Variants in ATP6V1G2 observed in about 807,000 individuals in gnomAD.
ATP6V1G2 encodes V-type proton ATPase subunit G 2.
ATP6V1G2 carries 14 observed loss-of-function variants against 17.8 expected under a neutral mutation model. The observed-to-expected ratio is 0.79, with a 90% CI of 0.52 to 1.23. ATP6V1G2 has a LOEUF of 1.23. Ranked by LOEUF, ATP6V1G2 falls within the 50% of genes most tolerant of loss-of-function variation. The pLI is 0.00. For synonymous variants in ATP6V1G2, 57 were observed against 54.8 expected (o/e 1.04, Z -0.17); for missense variants, 112 against 152.2 (o/e 0.74, Z 1.39).
chr6:31,546,412 A>G lies in ATP6V1G2; in HGVS notation c.82+66T>C. The stretch of plus-strand genomic sequence containing the variant: ...TCCCGCCAGCCTTGGGTTTTCCCAA[A>G]ATGTTTGCTGTCCCCCACCCCCAAT... On this transcript the variant is annotated intron_variant, in intron 1 of 2. Transcript: ENST00000303892. This position sits in a 1 kb window ranked among gnomAD's most constrained non-coding sequence, Gnocchi z 4.1. 6.5e-7 allele frequency: 1 copy of G among 1,533,238 alleles called. No homozygotes were observed. Among genetic ancestry groups the G allele is most frequent in the Non-Finnish European group, 9.0e-7 (1 of 1,116,804 alleles). 95.0% of individuals were successfully genotyped at this position (1,533,238 alleles called of 1,614,324 possible).
chr6:31,544,631 AAAATCT>A lies in ATP6V1G2; in HGVS notation c.*771_*776del. On this transcript the variant is annotated 3_prime_UTR_variant, in exon 3 of 3. Coordinates refer to ENST00000303892, the MANE Select transcript of ATP6V1G2 (RefSeq NM_130463.4). ...GTCTTTGGGGAAATAGGAAAGGAGGAAAATCTAATAAAGACAAAGATCAGCAAAAGA... is the reference window on the plus strand; with the variant it reads ...GTCTTTGGGGAAATAGGAAAGGAGGAAATAAAGACAAAGATCAGCAAAAGA... 2.3e-6 allele frequency: 1 copy of A among 442,382 alleles called. No individual in the cohort carries two copies. The highest frequency in any genetic ancestry group is 1.6e-5 in the South Asian group (1 of 62,240). 27.4% of individuals were successfully genotyped at this position (442,382 alleles called of 1,614,324 possible). A position where few individuals can be genotyped will look rare whatever the true frequency, so the allele number is the denominator to read the frequency against.
In ATP6V1G2 at chr6:31,544,712, GA is replaced by G. The variant is rs1411468254; in HGVS notation, c.*695del. On this transcript the variant is annotated 3_prime_UTR_variant, in exon 3 of 3. Transcript: ENST00000303892. ...CAGTTATCTACCTGGAATTATAAGA[GA>G]GGGGCTAAATGTAGTCATCTCCTCT... 1 of 456,610 alleles carries G rather than the reference GA, an allele frequency of 2.2e-6. No individual in the cohort carries two copies. The highest frequency in any genetic ancestry group is 4.4e-6 in the Non-Finnish European group (1 of 226,976). 28.3% of individuals were successfully genotyped at this position (456,610 alleles called of 1,614,324 possible).
In ATP6V1G2 at chr6:31,546,594, G is replaced by T. The variant is rs557338912; in HGVS notation, c.-35C>A. 8.0e-5 allele frequency: 127 copies of T among 1,594,732 alleles called. No homozygotes were observed. In the South Asian group the frequency reaches 1.3e-3, roughly 16 times the overall value. On this transcript the variant is annotated 5_prime_UTR_variant, in exon 1 of 3. Coordinates refer to ENST00000303892, the MANE Select transcript of ATP6V1G2 (RefSeq NM_130463.4). This position sits in a 1 kb window ranked among gnomAD's most constrained non-coding sequence, Gnocchi z 4.1. ...TATGGCCGATGCTGTTTTGAATGCTGTCAAAGTACCAGATGGCTCCCACCC... is the reference window on the plus strand; with the variant it reads ...TATGGCCGATGCTGTTTTGAATGCTTTCAAAGTACCAGATGGCTCCCACCC...
chr6:31,546,016 A>C lies in ATP6V1G2; in HGVS notation c.183+93T>G. On this transcript the variant is annotated intron_variant, in intron 2 of 2. Coordinates refer to ENST00000303892, the MANE Select transcript of ATP6V1G2 (RefSeq NM_130463.4). The surrounding 1 kb of genome is among the most constrained non-coding windows in gnomAD (Gnocchi z 4.1). ...GTCCCCTCAGCCTCAGCCCTCTGCC[A>C]CCATATTTTCTTGTTGAGTCACCCT... The C allele has an allele frequency of 7.9e-7, 1 of 1,271,112 alleles. No homozygotes were observed. Among genetic ancestry groups the C allele is most frequent in the Non-Finnish European group, 1.2e-6 (1 of 869,226 alleles). 78.7% of individuals were successfully genotyped at this position (1,271,112 alleles called of 1,614,324 possible). A position where few individuals can be genotyped will look rare whatever the true frequency, so the allele number is the denominator to read the frequency against.
chr6:31,544,492 T>G lies in ATP6V1G2; in HGVS notation c.*916A>C, dbSNP rs187711419. On this transcript the variant is annotated 3_prime_UTR_variant, in exon 3 of 3. Transcript: ENST00000303892. ...TTGCCAATAATTATTTTATTGATAC[T>G]TTTTTTATTGTTACAATGGGAAAGT... 9 of 236,032 alleles carry G rather than the reference T, an allele frequency of 3.8e-5. No homozygotes were observed. The Admixed American group carries it at 3.9e-4, about 10-fold the overall frequency. The allele number at this position is 236,032 out of a possible 1,614,324, so 14.6% of individuals were successfully genotyped here.
In ATP6V1G2 at chr6:31,544,871, A is replaced by C. The variant is rs1768839536; in HGVS notation, c.*537T>G. 4.6e-6 allele frequency: 2 copies of C among 432,180 alleles called. No individual in the cohort carries two copies. The highest frequency in any genetic ancestry group is 7.0e-5 in the East Asian group (1 of 14,212). 26.8% of individuals were successfully genotyped at this position (432,180 alleles called of 1,614,324 possible). A position where few individuals can be genotyped will look rare whatever the true frequency, so the allele number is the denominator to read the frequency against. On this transcript the variant is annotated 3_prime_UTR_variant, in exon 3 of 3. Coordinates refer to ENST00000303892, the MANE Select transcript of ATP6V1G2 (RefSeq NM_130463.4). Reference sequence around the variant, plus strand: ...GGAAACAGCTGTGTAGGTTTTGACCAGTGAGCAGGTGGTGGTAATAGTATC... The same window carrying C: ...GGAAACAGCTGTGTAGGTTTTGACCCGTGAGCAGGTGGTGGTAATAGTATC...
rs1193992098 is a variant in ATP6V1G2 at position 31,545,227 on chromosome 6, C to T, written c.*181G>A. 5.3e-6 allele frequency: 4 copies of T among 750,358 alleles called. No individual in the cohort carries two copies. The highest frequency in any genetic ancestry group is 8.5e-6 in the Non-Finnish European group (4 of 471,194). 46.5% of individuals were successfully genotyped at this position (750,358 alleles called of 1,614,324 possible). A position where few individuals can be genotyped will look rare whatever the true frequency, so the allele number is the denominator to read the frequency against. On this transcript the variant is annotated 3_prime_UTR_variant, in exon 3 of 3. Coordinates refer to ENST00000303892, the MANE Select transcript of ATP6V1G2 (RefSeq NM_130463.4). The surrounding 1 kb of genome is among the most constrained non-coding windows in gnomAD (Gnocchi z 4.9). Reference sequence around the variant, plus strand: ...CAAAGTCCCAGTGAGGGTTAAAGAACAACAAGGAGATTCAGATGTGAGCAG... The same window carrying T: ...CAAAGTCCCAGTGAGGGTTAAAGAATAACAAGGAGATTCAGATGTGAGCAG...
rs1768956737 is a variant in ATP6V1G2 at position 31,546,053 on chromosome 6, C to T, written c.183+56G>A. 6 of 1,566,360 alleles carry T rather than the reference C, an allele frequency of 3.8e-6. No individual in the cohort carries two copies. The highest frequency in any genetic ancestry group is 2.2e-5 in the East Asian group (1 of 44,632). On this transcript the variant is annotated intron_variant, in intron 2 of 2. Transcript: ENST00000303892. This position sits in a 1 kb window ranked among gnomAD's most constrained non-coding sequence, Gnocchi z 4.1. The stretch of plus-strand genomic sequence containing the variant: ...TGTTGAGTCACCCTTACACACCTCA[C>T]TAGATGCACCCACCAACTTGCAGTG...
rs1768864099 is a variant in ATP6V1G2, at chr6:31,545,191, T to G, written c.*217A>C. ...CACAGAGGGTTTAGGTGAGAATGAC[T>G]TGGAAGTTTACAAAGTCCCAGTGAG... On this transcript the variant is annotated 3_prime_UTR_variant, in exon 3 of 3. Coordinates refer to ENST00000303892, the MANE Select transcript of ATP6V1G2 (RefSeq NM_130463.4). This position sits in a 1 kb window ranked among gnomAD's most constrained non-coding sequence, Gnocchi z 4.9. The G allele has an allele frequency of 1.6e-6, 1 of 632,778 alleles. No individual in the cohort carries two copies. 39.2% of individuals were successfully genotyped at this position (632,778 alleles called of 1,614,324 possible). A position where few individuals can be genotyped will look rare whatever the true frequency, so the allele number is the denominator to read the frequency against.
chr6:31,546,171 G>A lies in ATP6V1G2; in HGVS notation c.121C>T (p.Gln41Ter). The A allele has an allele frequency of 6.2e-7, 1 of 1,614,046 alleles. No homozygotes were observed. Among genetic ancestry groups the A allele is most frequent in the Non-Finnish European group, 8.5e-7 (1 of 1,180,024 alleles). The change falls in exon 2 of 3, where the codon CAG becomes TAG. Residue 41 changes from glutamine to a stop codon, truncating the protein, a stop_gained. Transcript: ENST00000303892. LOFTEE classifies it high-confidence loss of function. This position sits in a 1 kb window ranked among gnomAD's most constrained non-coding sequence, Gnocchi z 4.1. The part of the protein sequence containing the change: ...RRLKQAKEEA[Q>*]MEVEQYRRER... ...CTGCGGTATTGCTCCACCTCCATCTGTGCCTCCTCCTTTGCCTGCTTCAGT... is the reference window on the plus strand; with the variant it reads ...CTGCGGTATTGCTCCACCTCCATCTATGCCTCCTCCTTTGCCTGCTTCAGT...
rs1033872750 is a variant in ATP6V1G2, at chr6:31,546,597, A to G, written c.-38T>C. The G allele has an allele frequency of 4.7e-5, 74 of 1,589,310 alleles. 3 individuals carry two copies. The highest frequency in any genetic ancestry group is 2.9e-4 in the East Asian group (13 of 44,744). ...GGCCGATGCTGTTTTGAATGCTGTC[A>G]AAGTACCAGATGGCTCCCACCCCCC... On this transcript the variant is annotated 5_prime_UTR_variant, in exon 1 of 3. Coordinates refer to ENST00000303892, the MANE Select transcript of ATP6V1G2 (RefSeq NM_130463.4). This position sits in a 1 kb window ranked among gnomAD's most constrained non-coding sequence, Gnocchi z 4.1.
At position 31,546,268 on chromosome 6, in the gene ATP6V1G2, G is replaced by T; in HGVS notation, c.83-59C>A. ...GGACCCACACACACACAATGTAATA[G>T]CAGGAGTCAGTCCCTTCCAGAAAGT... is the stretch of plus-strand genomic sequence containing the variant. On this transcript the variant is annotated intron_variant, in intron 1 of 2. Coordinates refer to ENST00000303892, the MANE Select transcript of ATP6V1G2 (RefSeq NM_130463.4). This position sits in a 1 kb window ranked among gnomAD's most constrained non-coding sequence, Gnocchi z 4.1. 1 of 1,499,400 alleles carries T rather than the reference G, an allele frequency of 6.7e-7. No individual in the cohort carries two copies. 92.9% of individuals were successfully genotyped at this position (1,499,400 alleles called of 1,614,324 possible).
rs1260970146 is a variant in ATP6V1G2, at chr6:31,546,488, A to C, written c.72T>G (p.Asp24Glu). The C allele has an allele frequency of 1.2e-6, 2 of 1,613,794 alleles. No homozygotes were observed. The highest frequency in any genetic ancestry group is 1.7e-6 in the Non-Finnish European group (2 of 1,179,926). ...AEKRAAEKVADARKRKARRLK... is the reference protein window; with the variant it reads ...AEKRAAEKVAEARKRKARRLK... ...AAAGAGGAGACTCACTCTTTCTGGC[A>C]TCTGCCACCTTCTCAGCTGCCCGCT... Residue 24 changes from aspartate (D) to glutamate (E), a missense_variant, in exon 1 of 3, where the codon GAT becomes GAG. Asp to Glu is a conservative substitution (Grantham distance 45). Coordinates refer to ENST00000303892, the MANE Select transcript of ATP6V1G2 (RefSeq NM_130463.4). This position sits in a 1 kb window ranked among gnomAD's most constrained non-coding sequence, Gnocchi z 4.1.
In ATP6V1G2 at chr6:31,546,415, G is replaced by T; in HGVS notation, c.82+63C>A. On this transcript the variant is annotated intron_variant, in intron 1 of 2. Transcript: ENST00000303892. This position sits in a 1 kb window ranked among gnomAD's most constrained non-coding sequence, Gnocchi z 4.1. ...CGCCAGCCTTGGGTTTTCCCAAAAT[G>T]TTTGCTGTCCCCCACCCCCAATTTT... 6.5e-7 allele frequency: 1 copy of T among 1,539,650 alleles called. No homozygotes were observed. Among genetic ancestry groups the T allele is most frequent in the African/African-American group, 1.4e-5 (1 of 73,072 alleles).
chr6:31,546,425 C>A lies in ATP6V1G2; in HGVS notation c.82+53G>T. 1 of 1,564,298 alleles carries A rather than the reference C, an allele frequency of 6.4e-7. No individual in the cohort carries two copies. The highest frequency in any genetic ancestry group is 8.8e-7 in the Non-Finnish European group (1 of 1,140,590). On this transcript the variant is annotated intron_variant, in intron 1 of 2. Coordinates refer to ENST00000303892, the MANE Select transcript of ATP6V1G2 (RefSeq NM_130463.4). This position sits in a 1 kb window ranked among gnomAD's most constrained non-coding sequence, Gnocchi z 4.1. ...GGGTTTTCCCAAAATGTTTGCTGTC[C>A]CCCACCCCCAATTTTCTTTCCAAAC...
chr6:31,544,808 A>G lies in ATP6V1G2; in HGVS notation c.*600T>C, dbSNP rs1286702026. ...TTCAGAAAATAACTAGGGTCACAGA[A>G]TGAACAAGTGGAATTAGAGAGCCAG... On this transcript the variant is annotated 3_prime_UTR_variant, in exon 3 of 3. Coordinates refer to ENST00000303892, the MANE Select transcript of ATP6V1G2 (RefSeq NM_130463.4). 4.4e-6 allele frequency: 2 copies of G among 455,838 alleles called. No homozygotes were observed. Among genetic ancestry groups the G allele is most frequent in the African/African-American group, 4.0e-5 (2 of 49,996 alleles). 28.2% of individuals were successfully genotyped at this position (455,838 alleles called of 1,614,324 possible).
rs749225629 is a variant in ATP6V1G2, at chr6:31,546,193, C to T, written c.99G>A (p.Leu33=). ...TCTGTGCCTCCTCCTTTGCCTGCTT[C>T]AGTCGCCGGGCCTTCCCTGGAGGCA... The part of the protein sequence containing the change: ...ADARKRKARR[L]KQAKEEAQME... Residue 33 remains leucine (L), a synonymous_variant, in exon 2 of 3, where the codon CTG becomes CTA. Transcript: ENST00000303892. The surrounding 1 kb of genome is among the most constrained non-coding windows in gnomAD (Gnocchi z 4.1). The T allele has an allele frequency of 6.2e-7, 1 of 1,614,048 alleles. No homozygotes were observed. The highest frequency in any genetic ancestry group is 8.5e-7 in the Non-Finnish European group (1 of 1,180,018).
Position 31,545,517 on chromosome 6 carries a change from C to A in ATP6V1G2, c.248G>T (p.Gly83Val). 6.2e-7 allele frequency: 1 copy of A among 1,614,062 alleles called. No individual in the cohort carries two copies. Among genetic ancestry groups the A allele is most frequent in the Non-Finnish European group, 8.5e-7 (1 of 1,180,002 alleles). ...VEQATRRQVQ[G>V]MQSSQQRNRE... ...GTTTCTCTGCTGGGAGCTCTGCATG[C>A]CCTGCACCTGGCGCCTTGTAGCCTG... Residue 83 changes from glycine to valine, a missense_variant, in exon 3 of 3, where the codon GGC becomes GTC. Gly to Val is a moderately radical substitution (Grantham distance 109). Coordinates refer to ENST00000303892, the MANE Select transcript of ATP6V1G2 (RefSeq NM_130463.4). This position sits in a 1 kb window ranked among gnomAD's most constrained non-coding sequence, Gnocchi z 4.9.
At position 31,545,780 on chromosome 6, in the gene ATP6V1G2, A is replaced by G; in HGVS notation, c.184-199T>C. The G allele has an allele frequency of 1.5e-6, 1 of 650,086 alleles. No individual in the cohort carries two copies. Among genetic ancestry groups the G allele is most frequent in the Non-Finnish European group, 2.6e-6 (1 of 382,132 alleles). The allele number at this position is 650,086 out of a possible 1,614,324, so 40.3% of individuals were successfully genotyped here. A position where few individuals can be genotyped will look rare whatever the true frequency, so the allele number is the denominator to read the frequency against. On this transcript the variant is annotated intron_variant, in intron 2 of 2. Transcript: ENST00000303892. The surrounding 1 kb of genome is among the most constrained non-coding windows in gnomAD (Gnocchi z 4.9). ...CCCCTTAGACCTAACATGCAACTTC[A>G]TCCTAAAACAGACCGTAATATCCCC...
Sources: allele counts gnomAD v4.1 joint callset, GRCh38; gene constraint gnomAD v4.1.1; non-coding constraint Gnocchi (gnomAD v3.1); transcripts MANE v1.5; gene names NCBI Gene and HGNC (gene_info 2026-07-23, HGNC 2026-07-21).